The following SOBP variants were observed in gnomAD, a reference collection of about 807,000 sequenced individuals.
The protein encoded by SOBP is sine oculis binding protein homolog.
SOBP carries 4 observed loss-of-function variants against 53.6 expected under a neutral mutation model. That is an observed-to-expected ratio of 0.07 (90% confidence interval 0.04 to 0.17). The LOEUF is 0.17. SOBP is among the 10% of genes least tolerant of loss of function. The probability of loss-of-function intolerance (pLI) is 1.00; values close to 1 mark genes in which losing one functional copy is unlikely to be tolerated. For synonymous variants in SOBP, 584 were observed against 522.6 expected (o/e 1.12, Z -1.60); for missense variants, 1,088 against 1,204.7 (o/e 0.90, Z 1.43).
intron 5 of SOBP, among the ~76,000 whole-genome samples, chr6:107,600,906 C>T (rs1319984455): frequency 6.6e-6 from 1 of 152,090 alleles, no homozygotes; most frequent in Non-Finnish European, 1.5e-5. Flanking sequence ...ATTTCTACCC[C>T]TCATTTTTAC....
rs562122872 is a variant in SOBP, at chr6:107,661,227, C to A, written c.*3024C>A. 2.1e-4 allele frequency among the ~76,000 whole-genome samples: 32 copies of A among 152,326 alleles called. No homozygotes were observed. The highest frequency in any genetic ancestry group is 7.7e-4 in the African/African-American group (32 of 41,562). On this transcript the variant is annotated 3_prime_UTR_variant, in exon 7 of 7. Coordinates refer to ENST00000317357, the MANE Select transcript of SOBP (RefSeq NM_018013.4). ...CATCAGCACCCCTTTTCCTCCTCTT[C>A]CTTCTCACGATCTTACTGCTGTCTG...
chr6:107,495,176 T>C (rs939018153), intron 1 of SOBP, among the ~76,000 whole-genome samples: 12 of 152,182 alleles, frequency 7.9e-5, no homozygotes, highest in Admixed American at 7.9e-4. Flanking sequence ...AGCAGTGGCC[T>C]CAGGTGTGCC....
intron 5 of SOBP, among the ~76,000 whole-genome samples, chr6:107,625,103 T>C (rs1770398656): frequency 6.6e-6 from 1 of 152,216 alleles, no homozygotes; most frequent in Non-Finnish European, 1.5e-5. Context: ...GGAGGTTCAA[T>C]GAGGAAATTC....
intron 3 of SOBP, chr6:107,529,603 A>G: frequency 2.0e-6 from 2 of 985,442 alleles, no homozygotes; most frequent in Non-Finnish European, 2.4e-6. Flanking sequence ...TTCTTTGGGC[A>G]CTGGTCAGGT....
chr6:107,568,646 A>G (rs1249121639), intron 4 of SOBP, among the ~76,000 whole-genome samples: 2 of 152,210 alleles, frequency 1.3e-5, no homozygotes, highest in East Asian at 3.8e-4. Context: ...AATGAGAAGG[A>G]GCTGCCAGTC....
chr6:107,552,549 G>A (rs1784488996), intron 4 of SOBP, among the ~76,000 whole-genome samples: 2 of 152,156 alleles, frequency 1.3e-5, no homozygotes, highest in African/African-American at 4.8e-5. Flanking sequence ...CTGGACCAAA[G>A]GGGAGGAGGA....
chr6:107,611,125 T>G (rs1786580338), intron 5 of SOBP, among the ~76,000 whole-genome samples: 1 of 152,270 alleles, frequency 6.6e-6, no homozygotes, highest in Non-Finnish European at 1.5e-5. Context: ...CAAATGGTTC[T>G]GCCCCTTGTA....
rs1213715418 is a variant in SOBP at position 107,562,030 on chromosome 6, CTT to C, written c.574-25033_574-25032del. ...CTTGCTTCTTAGTGGCTCCCTGGTTCTTTTTTTTTTTTTTTTTTGAGACAGGG... is the reference window on the plus strand; with the variant it reads ...CTTGCTTCTTAGTGGCTCCCTGGTTCTTTTTTTTTTTTTTTTGAGACAGGG... On this transcript the variant is annotated intron_variant, in intron 4 of 6. Transcript: ENST00000317357. Among the ~76,000 whole-genome samples the C allele has an allele frequency of 5.9e-3, 769 of 130,528 alleles. 3 individuals are homozygous for C. Among genetic ancestry groups the C allele is most frequent in the African/African-American group, 0.019 (694 of 35,836 alleles). The allele number at this position is 130,528 out of a possible 152,430, so 85.6% of individuals were successfully genotyped here.
chr6:107,574,088 A>G (rs768313318), intron 4 of SOBP, among the ~76,000 whole-genome samples: 1 of 152,200 alleles, frequency 6.6e-6, no homozygotes, highest in African/African-American at 2.4e-5. Context: ...CACTGTCTAC[A>G]TTCTTTGGGG....
At chr6:107,538,064 A>G (rs1191761975) in intron 4 of SOBP, among the ~76,000 whole-genome samples, 2 of 152,204 alleles carry the variant, frequency 1.3e-5, no homozygotes, top group East Asian at 3.8e-4. Context: ...CATTTCTTTT[A>G]CTTTCAGACT....
intron 4 of SOBP, among the ~76,000 whole-genome samples, chr6:107,536,760 A>C (rs1363166308): frequency 6.6e-6 from 1 of 152,196 alleles, no homozygotes; most frequent in Non-Finnish European, 1.5e-5. Flanking sequence ...CCAGGAGAGG[A>C]CCATGAATCA....
intron 5 of SOBP, among the ~76,000 whole-genome samples, chr6:107,612,298 T>G (rs1786627906): frequency 6.6e-6 from 1 of 152,214 alleles, no homozygotes; most frequent in Non-Finnish European, 1.5e-5. Context: ...TCAGTCTGAG[T>G]GCAGAATGAA....
In SOBP at chr6:107,658,498, A is replaced by T. The variant is rs1361254111; in HGVS notation, c.*295A>T. ...ATTTCACCCCTGGCTTTTAAAAAAA[A>T]CGAAATACCGACAAGCCACAAGGAC... On this transcript the variant is annotated 3_prime_UTR_variant, in exon 7 of 7. Coordinates refer to ENST00000317357, the MANE Select transcript of SOBP (RefSeq NM_018013.4). 6.6e-6 allele frequency: 1 copy of T among 152,596 alleles called. No individual in the cohort carries two copies. Among genetic ancestry groups the T allele is most frequent in the South Asian group, 2.1e-4 (1 of 4,824 alleles). 9.5% of individuals were successfully genotyped at this position (152,596 alleles called of 1,614,324 possible).
chr6:107,590,717 T>C (rs1785715638), intron 5 of SOBP, among the ~76,000 whole-genome samples: 1 of 151,982 alleles, frequency 6.6e-6, no homozygotes, highest in Admixed American at 6.6e-5. Flanking sequence ...GAAAACTACT[T>C]TAGTTTTATG....
intron 4 of SOBP, 101 bp downstream of exon 4, chr6:107,533,711 T>G: frequency 7.1e-7 from 1 of 1,400,714 alleles, no homozygotes; most frequent in Non-Finnish European, 9.9e-7. Flanking sequence ...CACCTTTTAC[T>G]TTTATATTTT....
chr6:107,531,401 A>G (rs973985137), intron 3 of SOBP, among the ~76,000 whole-genome samples: 2 of 152,168 alleles, frequency 1.3e-5, no homozygotes, highest in African/African-American at 4.8e-5. Flanking sequence ...TATCTTATCA[A>G]TTGGGAAAAA....
At chr6:107,625,706 G>C (rs1269654308) in intron 5 of SOBP, among the ~76,000 whole-genome samples, 1 of 152,200 alleles carries the variant, frequency 6.6e-6, no homozygotes, top group Non-Finnish European at 1.5e-5. Flanking sequence ...TGGCGTGGGG[G>C]TTGGGGGGAC....
intron 2 of SOBP, among the ~76,000 whole-genome samples, chr6:107,504,133 T>C (rs1010316629): frequency 1.3e-5 from 2 of 152,248 alleles, no homozygotes; most frequent in African/African-American, 4.8e-5. Context: ...GATCATCATC[T>C]GTTGGGGACT....
In SOBP at chr6:107,633,628, A is replaced by G. The variant is rs550842734; in HGVS notation, c.784A>G (p.Ile262Val). The G allele has an allele frequency of 1.2e-6, 2 of 1,614,224 alleles. No individual in the cohort carries two copies. The highest frequency in any genetic ancestry group is 2.2e-5 in the East Asian group (1 of 44,892). The change falls in exon 6 of 7, where the codon ATT (isoleucine) becomes GTT (valine). Residue 262 changes from isoleucine (I) to valine (V), a missense_variant. Transcript: ENST00000317357. ...ATGTCTCAATCAATACAAAATGGAC[A>G]TTTTCTACAAAGAGACCCAGGCCAA... ...AKCLNQYKMDIFYKETQANLP... is the reference protein window; with the variant it reads ...AKCLNQYKMDVFYKETQANLP...
Sources: allele counts gnomAD v4.1 joint callset (sites outside exome capture counted in the v4.1 genomes callset), GRCh38; gene constraint gnomAD v4.1.1; transcripts MANE v1.5; gene names NCBI Gene and HGNC (gene_info 2026-07-23, HGNC 2026-07-21).